CIMAP3: variants seen among roughly 807,000 people sequenced by gnomAD.
CIMAP3 encodes ciliary microtubule-associated protein 3.
At chr1:111,348,695 G>T in the CIMAP3 span, 21 of 1,504,452 alleles carry the variant, frequency 1.4e-5, no homozygotes, top group Non-Finnish European at 1.9e-5. Flanking sequence ...GCAATAGGAG[G>T]AAAAGAAGTA....
At chr1:111,333,885 C>A in the CIMAP3 span, among the ~76,000 whole-genome samples, 4 of 152,164 alleles carry the variant, frequency 2.6e-5, no homozygotes, top group Non-Finnish European at 5.9e-5. Context: ...ACCTCATAAC[C>A]AGAAGTAGGC....
At chr1:111,346,015 T>TA in the CIMAP3 span, among the ~76,000 whole-genome samples, 1,368 of 148,768 alleles carry the variant, frequency 9.2e-3, 19 homozygotes, top group African/African-American at 0.031. Flanking sequence ...CCCCAACTTC[T>TA]AAAAAAAAAA....
chr1:111,325,287 T>C, the CIMAP3 span, among the ~76,000 whole-genome samples: 1,208 of 152,332 alleles, frequency 7.9e-3, 16 homozygotes, highest in African/African-American at 0.027. Flanking sequence ...ATTTTATAGA[T>C]AAACCAAGGC....
chr1:111,340,922 A>G, the CIMAP3 span, among the ~76,000 whole-genome samples: 5 of 152,050 alleles, frequency 3.3e-5, no homozygotes, highest in African/African-American at 4.8e-5. Flanking sequence ...GTTTATTGCG[A>G]CATTATTCAC....
the CIMAP3 span, among the ~76,000 whole-genome samples, chr1:111,345,835 T>C: frequency 2.0e-5 from 3 of 152,204 alleles, no homozygotes; most frequent in Non-Finnish European, 2.9e-5. Flanking sequence ...GATCTTTTTT[T>C]CTTCGGTTAT....
At chr1:111,351,162 TAC>T in the CIMAP3 span, 2 of 863,162 alleles carry the variant, frequency 2.3e-6, no homozygotes, top group African/African-American at 2.0e-5. Context: ...CTCTATAATG[TAC>T]AGTTTTTTTT....
At chr1:111,349,430 T>C in the CIMAP3 span, 1 of 152,346 alleles carries the variant, frequency 6.6e-6, no homozygotes, top group Non-Finnish European at 1.5e-5. Flanking sequence ...AACAGGCTTA[T>C]TCTCAATGCT....
the CIMAP3 span, among the ~76,000 whole-genome samples, chr1:111,329,885 T>C: frequency 6.6e-6 from 1 of 152,180 alleles, no homozygotes; most frequent in South Asian, 2.1e-4. Context: ...GTTTTGTTCA[T>C]TCCTTTTCAT....
chr1:111,350,964 A>G, the CIMAP3 span, among the ~76,000 whole-genome samples: 1 of 152,220 alleles, frequency 6.6e-6, no homozygotes, highest in Non-Finnish European at 1.5e-5. Flanking sequence ...ATTAGGGCCT[A>G]TGGGCAACAA....
chr1:111,337,937 T>G, the CIMAP3 span, among the ~76,000 whole-genome samples: 7 of 149,864 alleles, frequency 4.7e-5, no homozygotes, highest in East Asian at 1.9e-4. Flanking sequence ...ATTGACCACA[T>G]AGTTGGAAGT....
chr1:111,352,597 A>G, the CIMAP3 span: 1 of 152,626 alleles, frequency 6.6e-6, no homozygotes, highest in East Asian at 1.9e-4. Context: ...CATACCTAAT[A>G]TATACACTTC....
the CIMAP3 span, among the ~76,000 whole-genome samples, chr1:111,340,708 A>G: frequency 6.8e-3 from 1,041 of 151,998 alleles, 13 homozygotes; most frequent in African/African-American, 0.024. Context: ...AGGAAACAGC[A>G]AGGTGCTAGA....
At chr1:111,326,189 T>G in the CIMAP3 span, among the ~76,000 whole-genome samples, 1 of 152,156 alleles carries the variant, frequency 6.6e-6, no homozygotes, top group Non-Finnish European at 1.5e-5. Context: ...TACTTTGAAA[T>G]ATACAATTTG....
the CIMAP3 span, chr1:111,348,741 C>T: frequency 8.1e-7 from 1 of 1,237,120 alleles, no homozygotes; most frequent in Non-Finnish European, 1.1e-6. Context: ...GGGATGACAT[C>T]CAAACCATCG....
chr1:111,325,115 T>C, the CIMAP3 span, among the ~76,000 whole-genome samples: 1 of 152,156 alleles, frequency 6.6e-6, no homozygotes, highest in Non-Finnish European at 1.5e-5. Context: ...AAAGATACCA[T>C]TGGAGCCAGC....
chr1:111,347,164 C>A, the CIMAP3 span: 1 of 1,257,940 alleles, frequency 7.9e-7, no homozygotes, highest in East Asian at 2.5e-5. Flanking sequence ...TCCAGAGTCC[C>A]AGCATAAGAA....
the CIMAP3 span, among the ~76,000 whole-genome samples, chr1:111,340,320 CA>C: frequency 7.3e-6 from 1 of 137,052 alleles, no homozygotes; most frequent in South Asian, 2.6e-4. Context: ...TCTAAAACAC[CA>C]AAAGCAATGG....
chr1:111,350,521 A>C, the CIMAP3 span, among the ~76,000 whole-genome samples: 1 of 152,308 alleles, frequency 6.6e-6, no homozygotes. Flanking sequence ...GCCCAGATGG[A>C]TTAAGTGATT....
chr1:111,349,319 A>G, the CIMAP3 span: 1 of 152,538 alleles, frequency 6.6e-6, no homozygotes, highest in Non-Finnish European at 1.5e-5. Flanking sequence ...AAGGAATTTG[A>G]CGTGAACAAA....
Sources: gnomAD v4.1 joint callset for allele counts (sites outside exome capture counted in the v4.1 genomes callset) on GRCh38, gnomAD v4.1.1 for gene constraint, MANE v1.5 for transcripts, NCBI Gene and HGNC (gene_info 2026-07-23, HGNC 2026-07-21) for gene names.